FSTL4: variants seen among roughly 807,000 people sequenced by gnomAD.
The protein encoded by FSTL4 is follistatin-related protein 4.
A neutral mutation model predicts 78.2 loss-of-function variants in FSTL4; 28 were observed. That is an observed-to-expected ratio of 0.36 (90% confidence interval 0.27 to 0.49). The LOEUF is 0.49. FSTL4 is among the 20% of genes least tolerant of loss of function. The pLI is 0.98. For synonymous variants in FSTL4, 422 were observed against 440.5 expected, an observed-to-expected ratio of 0.96 and a Z score of 0.53; for missense variants, 922 against 1,084.9, an observed-to-expected ratio of 0.85 and a Z score of 2.11.
intron 5 of FSTL4, 44 bp from the exon 6 acceptor site, chr5:133,312,821 A>T (rs769087433): frequency 6.2e-7 from 1 of 1,608,470 alleles, no homozygotes. Flanking sequence ...AGATGAGTTT[A>T]GAGTCATAGG....
chr5:133,221,138 T>TA, intron 11 of FSTL4: 1 of 561,262 alleles, frequency 1.8e-6, no homozygotes, highest in East Asian at 3.1e-5. Flanking sequence ...GGTTTTCAGA[T>TA]AAAAGCCTTG....
chr5:133,764,610 G>A, the FSTL4 span, among the ~76,000 whole-genome samples: 1 of 152,208 alleles, frequency 6.6e-6, no homozygotes, highest in African/African-American at 2.4e-5. Flanking sequence ...TCAGAGGGCT[G>A]GTGGATCCCT....
chr5:133,263,278 C>A (rs1177407869), intron 6 of FSTL4, among the ~76,000 whole-genome samples: 1 of 152,118 alleles, frequency 6.6e-6, no homozygotes, highest in African/African-American at 2.4e-5. Flanking sequence ...GTGGCCTAGG[C>A]TAGGTGTGCA....
At chr5:133,479,457 A>C (rs554037939) in intron 3 of FSTL4, among the ~76,000 whole-genome samples, 6 of 152,242 alleles carry the variant, frequency 3.9e-5, no homozygotes, top group Non-Finnish European at 5.9e-5. Flanking sequence ...AGCAACCAAG[A>C]TGTTCATCAG....
At chr5:133,702,319 G>T in the FSTL4 span, among the ~76,000 whole-genome samples, 1 of 152,164 alleles carries the variant, frequency 6.6e-6, no homozygotes, top group Non-Finnish European at 1.5e-5. Flanking sequence ...AGCATCTTAA[G>T]CTTAAGCTCT....
chr5:133,447,215 A>G (rs1757287837), intron 3 of FSTL4, among the ~76,000 whole-genome samples: 1 of 152,218 alleles, frequency 6.6e-6, no homozygotes, highest in African/African-American at 2.4e-5. Flanking sequence ...CGGGGAAGTC[A>G]AGGCACAGAG....
At chr5:133,700,443 A>G in the FSTL4 span, among the ~76,000 whole-genome samples, 2,265 of 151,978 alleles carry the variant, frequency 0.015, 37 homozygotes, top group Middle Eastern at 0.02. Flanking sequence ...CAAACACCAC[A>G]CCAAACCATC....
chr5:133,357,754 C>A (rs1030475665), intron 4 of FSTL4, among the ~76,000 whole-genome samples: 1 of 152,114 alleles, frequency 6.6e-6, no homozygotes, highest in African/African-American at 2.4e-5. Context: ...TAGCACCCCC[C>A]ACACCCCCTA....
intron 4 of FSTL4, among the ~76,000 whole-genome samples, chr5:133,370,222 G>T (rs1201497081): frequency 6.6e-6 from 1 of 152,128 alleles, no homozygotes; most frequent in Non-Finnish European, 1.5e-5. Context: ...CATGATTTCT[G>T]CCCAGAGTTC....
the FSTL4 span, among the ~76,000 whole-genome samples, chr5:133,724,548 C>T: frequency 6.6e-6 from 1 of 152,104 alleles, no homozygotes; most frequent in South Asian, 2.1e-4. Context: ...TTGTTGACAT[C>T]ACCTTTTTAC....
chr5:133,401,243 C>T (rs536216248), intron 3 of FSTL4, among the ~76,000 whole-genome samples: 2 of 152,228 alleles, frequency 1.3e-5, no homozygotes, highest in Non-Finnish European at 2.9e-5. Flanking sequence ...AACACAACAC[C>T]TTTCCAACCT....
chr5:133,814,702 C>T, the FSTL4 span, among the ~76,000 whole-genome samples: 47 of 152,252 alleles, frequency 3.1e-4, no homozygotes, highest in East Asian at 8.5e-3. Flanking sequence ...ATGTTGAGAG[C>T]GGAAGTCTGT....
At chr5:133,799,533 G>A in the FSTL4 span, among the ~76,000 whole-genome samples, 219 of 138,448 alleles carry the variant, frequency 1.6e-3, 32 homozygotes, top group Non-Finnish European at 2.8e-3. Context: ...GCAACCCCAC[G>A]CTAGGTACAG....
At chr5:133,683,861 G>A in the FSTL4 span, among the ~76,000 whole-genome samples, 1 of 152,190 alleles carries the variant, frequency 6.6e-6, no homozygotes, top group Non-Finnish European at 1.5e-5. Flanking sequence ...TGCCGCAGGA[G>A]CCCTCCCTGC....
At chr5:133,726,266 A>T in the FSTL4 span, among the ~76,000 whole-genome samples, 1 of 152,132 alleles carries the variant, frequency 6.6e-6, no homozygotes, top group African/African-American at 2.4e-5. Flanking sequence ...ACCTATCAAG[A>T]CCTTACTGAG....
At chr5:133,292,023 C>G (rs1490012432) in intron 6 of FSTL4, among the ~76,000 whole-genome samples, 3 of 152,194 alleles carry the variant, frequency 2.0e-5, no homozygotes, top group African/African-American at 7.2e-5. Context: ...CCAGACTTGG[C>G]CCTGCCAGGC....
At chr5:133,596,762 A>C (rs1157338672) in intron 2 of FSTL4, among the ~76,000 whole-genome samples, 1 of 152,206 alleles carries the variant, frequency 6.6e-6, no homozygotes, top group Non-Finnish European at 1.5e-5. Flanking sequence ...ACCCCTGTGC[A>C]AGATCAAACT....
chr5:133,632,436 A>G, the FSTL4 span, among the ~76,000 whole-genome samples: 2 of 152,312 alleles, frequency 1.3e-5, no homozygotes, highest in Non-Finnish European at 2.9e-5. Context: ...TCAATGTTCC[A>G]AAATTCCATT....
chr5:133,231,794 C>T (rs1359323788), intron 8 of FSTL4, among the ~76,000 whole-genome samples: 1 of 152,212 alleles, frequency 6.6e-6, no homozygotes, highest in Non-Finnish European at 1.5e-5. Context: ...CCAGCCTCAA[C>T]CTCCCAAAGT....
Sources: gnomAD v4.1 joint callset for allele counts (sites outside exome capture counted in the v4.1 genomes callset) on GRCh38, gnomAD v4.1.1 for gene constraint, MANE v1.5 for transcripts, NCBI Gene and HGNC (gene_info 2026-07-23, HGNC 2026-07-21) for gene names.